Variants in GRHL2 observed in about 807,000 individuals in gnomAD.
GRHL2 encodes grainyhead-like protein 2 homolog.
Under a neutral mutation model 83.8 loss-of-function variants are expected in GRHL2, and 21 were observed. The observed-to-expected ratio is 0.25, with a 90% confidence interval of 0.18 to 0.36. The LOEUF (loss-of-function observed/expected upper bound fraction) is 0.36, where lower values mean the gene tolerates loss of function less well. Among genes scored for constraint, GRHL2 ranks in the 10% least tolerant of loss-of-function variants. GRHL2 has a pLI of 1.00. For missense variants in GRHL2, 623 were observed against 781.8 expected, an observed-to-expected ratio of 0.80 and a Z score of 2.42; for synonymous variants, 280 against 278.9, an observed-to-expected ratio of 1.00 and a Z score of -0.04.
intron 7 of GRHL2, among the ~76,000 whole-genome samples, chr8:101,584,056 C>T (rs952171853): frequency 6.6e-6 from 1 of 152,156 alleles, no homozygotes; most frequent in Non-Finnish European, 1.5e-5. Context: ...TAGTCACATC[C>T]AGTGTAAGCA....
chr8:101,588,756 T>G (rs1235230578), intron 7 of GRHL2, among the ~76,000 whole-genome samples: 1 of 152,248 alleles, frequency 6.6e-6, no homozygotes, highest in Non-Finnish European at 1.5e-5. Flanking sequence ...TCTGCAACTC[T>G]GAAGTACAAC....
At chr8:101,541,653 G>A (rs766331588) in intron 1 of GRHL2, among the ~76,000 whole-genome samples, 2 of 152,012 alleles carry the variant, frequency 1.3e-5, no homozygotes, top group Non-Finnish European at 2.9e-5. Flanking sequence ...ATGTCTCATT[G>A]TTCCATGTTG....
intron 14 of GRHL2, among the ~76,000 whole-genome samples, chr8:101,652,519 G>C (rs2031422970): frequency 8.5e-5 from 4 of 47,038 alleles, no homozygotes; most frequent in Admixed American, 2.2e-4. Context: ...TGGTGTGTGT[G>C]TGGTGTGTGT....
intron 8 of GRHL2, among the ~76,000 whole-genome samples, chr8:101,615,128 G>A (rs1215855009): frequency 6.6e-6 from 1 of 152,128 alleles, no homozygotes; most frequent in Non-Finnish European, 1.5e-5. Flanking sequence ...TCTGATGTGT[G>A]GTAGCTCATT....
chr8:101,599,238 C>T, intron 8 of GRHL2, 87 bp downstream of exon 8: 1 of 876,190 alleles, frequency 1.1e-6, no homozygotes, highest in Non-Finnish European at 1.9e-6. Flanking sequence ...GTATCAGTAG[C>T]CTCCTATTAA....
intron 8 of GRHL2, among the ~76,000 whole-genome samples, chr8:101,617,384 A>G (rs962157103): frequency 6.6e-6 from 1 of 152,196 alleles, no homozygotes; most frequent in Non-Finnish European, 1.5e-5. Context: ...AATAAAAATG[A>G]GGTTTATAGA....
intron 2 of GRHL2, chr8:101,543,959 A>C (rs1189303816): frequency 5.5e-6 from 1 of 181,190 alleles, no homozygotes. Context: ...AGAAGATGCA[A>C]AAGTGGAAAC....
the GRHL2 span, among the ~76,000 whole-genome samples, chr8:101,675,187 T>C: frequency 0.24 from 36,875 of 151,804 alleles, 4,651 homozygotes; most frequent in South Asian, 0.29. Context: ...CTATTCAACA[T>C]AGTGTTGGAA....
intron 1 of GRHL2, among the ~76,000 whole-genome samples, chr8:101,502,726 A>ACCTCCTCCTCCT (rs539176678): frequency 5.7e-4 from 85 of 149,610 alleles, no homozygotes; most frequent in Middle Eastern, 6.8e-3. Flanking sequence ...GAAAGGGATG[A>ACCTCCTCCTCCT]CCTCCTCCTC....
chr8:101,672,703 C>T (rs571929502), downstream of GRHL2, among the ~76,000 whole-genome samples: 2 of 151,850 alleles, frequency 1.3e-5, no homozygotes, highest in South Asian at 2.1e-4. Context: ...ATACAGAGAA[C>T]GTCACAAAGA....
At position 101,667,114 on chromosome 8, in the gene GRHL2, T is replaced by G; in HGVS notation, c.*411T>G. On this transcript the variant is annotated 3_prime_UTR_variant, in exon 16 of 16. Coordinates refer to ENST00000646743, the MANE Select transcript of GRHL2 (RefSeq NM_024915.4). ...CTTCTCTCTCACCCCTCCATATCTATCTCCCGAGTGGCTGGACAAAATGAG... is the reference window on the plus strand; with the variant it reads ...CTTCTCTCTCACCCCTCCATATCTAGCTCCCGAGTGGCTGGACAAAATGAG... 7.5e-6 allele frequency: 2 copies of G among 265,808 alleles called. No individual in the cohort carries two copies. Among genetic ancestry groups the G allele is most frequent in the African/African-American group, 2.2e-5 (1 of 46,160 alleles). 16.5% of individuals were successfully genotyped at this position (265,808 alleles called of 1,614,324 possible).
chr8:101,624,967 G>T (rs2387626), intron 9 of GRHL2, among the ~76,000 whole-genome samples: 14,514 of 152,006 alleles, frequency 0.095, 729 homozygotes, highest in South Asian at 0.13. Flanking sequence ...TCAACAAAGA[G>T]CCAAGGTAGG....
intron 10 of GRHL2, 62 bp from the exon 11 acceptor site, chr8:101,632,164 C>T: frequency 6.3e-7 from 1 of 1,577,506 alleles, no homozygotes; most frequent in Non-Finnish European, 8.7e-7. Context: ...TTAGGACTTA[C>T]AGTTGAGAGT....
intron 7 of GRHL2, among the ~76,000 whole-genome samples, chr8:101,598,013 A>G (rs1397504583): frequency 6.6e-6 from 1 of 152,202 alleles, no homozygotes; most frequent in African/African-American, 2.4e-5. Context: ...TGGCAACTTT[A>G]GTCATGGAAC....
At chr8:101,616,028 C>T (rs1004949681) in intron 8 of GRHL2, among the ~76,000 whole-genome samples, 3 of 151,506 alleles carry the variant, frequency 2.0e-5, no homozygotes, top group African/African-American at 7.3e-5. Flanking sequence ...TTCTTTCTAT[C>T]TTTTCTTTCT....
intron 4 of GRHL2, among the ~76,000 whole-genome samples, chr8:101,568,793 T>C (rs1374511845): frequency 6.6e-6 from 1 of 152,206 alleles, no homozygotes; most frequent in East Asian, 1.9e-4. Context: ...CTGTCATGAT[T>C]ATTTATTCAG....
intron 12 of GRHL2, among the ~76,000 whole-genome samples, chr8:101,637,788 T>C (rs1275676539): frequency 6.6e-6 from 1 of 152,204 alleles, no homozygotes; most frequent in Non-Finnish European, 1.5e-5. Context: ...AGCTGATGTC[T>C]ACCTTCTTTT....
intron 9 of GRHL2, among the ~76,000 whole-genome samples, chr8:101,629,339 T>C (rs559986239): frequency 3.4e-4 from 52 of 152,036 alleles, no homozygotes; most frequent in Middle Eastern, 3.4e-3. Flanking sequence ...ATTTTTAAGT[T>C]AAGGTATGTA....
intron 9 of GRHL2, among the ~76,000 whole-genome samples, chr8:101,620,214 A>G (rs1481370305): frequency 2.0e-5 from 3 of 152,172 alleles, no homozygotes; most frequent in Non-Finnish European, 4.4e-5. Context: ...TCATGACCTC[A>G]TCTAAACCCA....
Sources: gnomAD v4.1 joint callset for allele counts (sites outside exome capture counted in the v4.1 genomes callset) on GRCh38, gnomAD v4.1.1 for gene constraint, MANE v1.5 for transcripts, NCBI Gene and HGNC (gene_info 2026-07-23, HGNC 2026-07-21) for gene names.